The following SLC12A6 variants were observed in gnomAD, a reference collection of about 807,000 sequenced individuals.
SLC12A6 encodes solute carrier family 12 member 6.
A neutral mutation model predicts 135.3 loss-of-function variants in SLC12A6; 66 were observed. The observed-to-expected ratio is 0.49, with a 90% CI of 0.40 to 0.60. SLC12A6 has a LOEUF of 0.60. Ranked by LOEUF, SLC12A6 falls within the 20% of genes least tolerant of loss-of-function variation. The pLI, the probability that SLC12A6 is intolerant of heterozygous loss-of-function variation, is 0.00. For missense variants in SLC12A6, 1,058 were observed against 1,452.3 expected (o/e 0.73, Z 4.41); for synonymous variants, 513 against 508.8 (o/e 1.01, Z -0.11).
intron 2 of SLC12A6, among the ~76,000 whole-genome samples, chr15:34,299,247 T>G (rs141311212): frequency 6.6e-6 from 1 of 152,228 alleles, no homozygotes; most frequent in African/African-American, 2.4e-5. Context: ...TTTGGACCCA[T>G]TGGCTTATAG....
At chr15:34,333,501 G>C (rs1890001307) in intron 2 of SLC12A6, among the ~76,000 whole-genome samples, 1 of 151,918 alleles carries the variant, frequency 6.6e-6, no homozygotes, top group Non-Finnish European at 1.5e-5. Flanking sequence ...AAAGTGCTAG[G>C]ATTACAGGCG....
chr15:34,245,275 TG>T lies in SLC12A6; in HGVS notation c.1943+9del. The T allele has an allele frequency of 7.5e-7, 1 of 1,324,884 alleles. No individual in the cohort carries two copies. The highest frequency in any genetic ancestry group is 1.1e-6 in the Non-Finnish European group (1 of 915,612). 82.1% of individuals were successfully genotyped at this position (1,324,884 alleles called of 1,614,324 possible). A position where few individuals can be genotyped will look rare whatever the true frequency, so the allele number is the denominator to read the frequency against. ...AGCAAGAATAACTGAAGAGAATCAC[TG>T]GCTCTTACATGGAAAGAATTGGGGC... On this transcript the variant is annotated intron_variant, in intron 15 of 25. Coordinates refer to ENST00000354181, the MANE Select transcript of SLC12A6 (RefSeq NM_001365088.1).
intron 7 of SLC12A6, 73 bp from the exon 8 acceptor site, chr15:34,255,465 TAAG>T (rs1892684470): frequency 5.6e-6 from 6 of 1,069,146 alleles, no homozygotes; most frequent in Middle Eastern, 2.0e-4. Flanking sequence ...AAAACAGAAA[TAAG>T]AAAAAATATA....
intron 13 of SLC12A6, 76 bp downstream of exon 13, chr15:34,250,222 G>C: frequency 1.1e-6 from 1 of 897,500 alleles, no homozygotes; most frequent in South Asian, 1.3e-5. Context: ...GTCTGTAACT[G>C]TCTTGGAGCT....
At chr15:34,335,853 C>T (rs1890161785) in intron 2 of SLC12A6, among the ~76,000 whole-genome samples, 1 of 152,178 alleles carries the variant, frequency 6.6e-6, no homozygotes, top group Non-Finnish European at 1.5e-5. Flanking sequence ...CAGAATAGCA[C>T]ATTAGGTCTA....
chr15:34,251,915 A>T (rs1264940119), intron 10 of SLC12A6, among the ~76,000 whole-genome samples: 1 of 152,230 alleles, frequency 6.6e-6, no homozygotes, highest in Non-Finnish European at 1.5e-5. Flanking sequence ...GTAAGGTTAG[A>T]AAGTGATTTG....
Position 34,260,981 on chromosome 15 carries a change from T to C in SLC12A6, c.356A>G (p.Asn119Ser). The C allele has an allele frequency of 6.3e-7, 1 of 1,582,148 alleles. No individual in the cohort carries two copies. The highest frequency in any genetic ancestry group is 1.1e-5 in the South Asian group (1 of 90,424). The change falls in exon 4 of 26, where the codon AAT becomes AGT. Residue 119 changes from asparagine (N) to serine (S), a missense_variant. By Grantham distance (46) the Asn-to-Ser change is conservative (BLOSUM62 1). This residue lies in a region of SLC12A6 where 176 missense variants were observed against 168.9 expected (regional missense o/e 1.04). Transcript: ENST00000354181. ...HKKARNAYLN[N>S]SNYEEGDEYF... ...TTCATCTCCTTCTTCATAATTGGAA[T>C]TATTGAGATAAGCATTTCGAGCTTT...
chr15:34,256,211 C>A lies in SLC12A6; in HGVS notation c.745+18G>T. 2 of 1,533,466 alleles carry A rather than the reference C, an allele frequency of 1.3e-6. No homozygotes were observed. The highest frequency in any genetic ancestry group is 2.2e-5 in the East Asian group (1 of 44,528). The allele number at this position is 1,533,466 out of a possible 1,614,324, so 95.0% of individuals were successfully genotyped here. A position where few individuals can be genotyped will look rare whatever the true frequency, so the allele number is the denominator to read the frequency against. On this transcript the variant is annotated intron_variant, in intron 7 of 25. Coordinates refer to ENST00000354181, the MANE Select transcript of SLC12A6 (RefSeq NM_001365088.1). ...GTCAACACTGATAAATCCTGAAATA[C>A]AACCTTGACCTACTAACCTGGCACC...
intron 2 of SLC12A6, among the ~76,000 whole-genome samples, chr15:34,326,065 T>C (rs347830): frequency 0.46 from 70,480 of 152,166 alleles, 19,037 homozygotes; most frequent in African/African-American, 0.76. Flanking sequence ...TCAGCCATTT[T>C]GGCCGCTGAT....
At chr15:34,244,112 G>A in intron 15 of SLC12A6, 40 bp from the exon 16 acceptor site, 2 of 1,121,918 alleles carry the variant, frequency 1.8e-6, no homozygotes, top group Non-Finnish European at 2.7e-6. Flanking sequence ...ATTACTGGAA[G>A]ATGATTCTTT....
intron 2 of SLC12A6, among the ~76,000 whole-genome samples, chr15:34,334,613 C>T (rs1890080144): frequency 1.3e-5 from 2 of 152,058 alleles, no homozygotes; most frequent in Admixed American, 1.3e-4. Flanking sequence ...GTATAAAGTT[C>T]CACGAGAATA....
chr15:34,278,334 G>A (rs1894435710), intron 2 of SLC12A6, among the ~76,000 whole-genome samples: 1 of 152,066 alleles, frequency 6.6e-6, no homozygotes, highest in South Asian at 2.1e-4. Flanking sequence ...GGCTGAGACA[G>A]GAGGATGGCT....
intron 24 of SLC12A6, 43 bp downstream of exon 24, chr15:34,235,972 G>A (rs373473176): frequency 2.0e-6 from 3 of 1,469,100 alleles, no homozygotes; most frequent in Non-Finnish European, 2.9e-6. Flanking sequence ...TTGTGCCACT[G>A]ATTAGGTAAT....
At chr15:34,242,816 G>T (rs1405417501) in intron 16 of SLC12A6, among the ~76,000 whole-genome samples, 1 of 152,022 alleles carries the variant, frequency 6.6e-6, no homozygotes, top group African/African-American at 2.4e-5. Context: ...GGATCACAAG[G>T]TCAGAAGACT....
intron 25 of SLC12A6, 107 bp from the exon 26 acceptor site, chr15:34,234,079 A>T: frequency 4.1e-6 from 3 of 727,604 alleles, no homozygotes; most frequent in Non-Finnish European, 2.5e-6. Context: ...TTAGCTGCTT[A>T]ATTATTATAT....
Position 34,254,514 on chromosome 15 carries a change from T to A in SLC12A6, c.952A>T (p.Met318Leu), listed in dbSNP as rs139990908. ...LKESAAMLNN[M>L]RVYGTAFLVL... ...AAGAAAGCTGTGCCGTAGACACGCA[T>A]GTTATTTAGCATGGCTGCTGATTCC... The change falls in exon 9 of 26, where the codon ATG becomes TTG. Residue 318 changes from methionine (M) to leucine (L), a missense_variant. Coordinates refer to ENST00000354181, the MANE Select transcript of SLC12A6 (RefSeq NM_001365088.1). The A allele has an allele frequency of 1.2e-6, 2 of 1,612,934 alleles. No individual in the cohort carries two copies. Among genetic ancestry groups the A allele is most frequent in the Admixed American group, 3.3e-5 (2 of 60,018 alleles).
At chr15:34,266,440 T>TATC (rs1408772575) in intron 3 of SLC12A6, among the ~76,000 whole-genome samples, 1 of 152,014 alleles carries the variant, frequency 6.6e-6, no homozygotes, top group Non-Finnish European at 1.5e-5. Context: ...CAATTTTATT[T>TATC]ATCATTATTA....
At chr15:34,298,498 A>G (rs1378324081) in intron 2 of SLC12A6, among the ~76,000 whole-genome samples, 1 of 151,824 alleles carries the variant, frequency 6.6e-6, no homozygotes, top group Non-Finnish European at 1.5e-5. Context: ...AAATAAATAA[A>G]TAAAATAAAA....
At chr15:34,319,819 GA>G (rs1288775809) in intron 2 of SLC12A6, among the ~76,000 whole-genome samples, 1 of 148,204 alleles carries the variant, frequency 6.7e-6, no homozygotes, top group Non-Finnish European at 1.5e-5. Context: ...GAAAGAAAAA[GA>G]AAAAAATATA....
Sources: allele counts gnomAD v4.1 joint callset (sites outside exome capture counted in the v4.1 genomes callset), GRCh38; gene constraint gnomAD v4.1.1; regional missense constraint gnomAD v4.1.1; transcripts MANE v1.5; gene names NCBI Gene and HGNC (gene_info 2026-07-23, HGNC 2026-07-21).